Variants in ZNF385D observed in about 807,000 individuals in gnomAD.
ZNF385D encodes the protein zinc finger protein 659.
ZNF385D carries 15 observed loss-of-function variants against 35.8 expected under a neutral mutation model. That is an observed-to-expected ratio of 0.42 (90% CI 0.28 to 0.64). The LOEUF (loss-of-function observed/expected upper bound fraction) is 0.64. Among genes scored for constraint, ZNF385D ranks in the 30% least tolerant of loss-of-function variants. The probability of loss-of-function intolerance (pLI) is 0.23; values close to 1 mark genes in which losing one functional copy is unlikely to be tolerated. For synonymous variants in ZNF385D, 212 were observed against 186.8 expected, an observed-to-expected ratio of 1.13 and a Z score of -1.10; for missense variants, 474 against 494.6, an observed-to-expected ratio of 0.96 and a Z score of 0.39.
intron 3 of ZNF385D, among the ~76,000 whole-genome samples, chr3:22,102,912 C>A (rs1381690197): frequency 2.9e-4 from 38 of 130,486 alleles, no homozygotes; most frequent in African/African-American, 1.1e-3. Flanking sequence ...AAAAAACCAA[C>A]AAGTTCTCAC....
At chr3:22,101,663 T>A (rs546438615) in intron 3 of ZNF385D, among the ~76,000 whole-genome samples, 2 of 151,766 alleles carry the variant, frequency 1.3e-5, no homozygotes, top group South Asian at 2.1e-4. Flanking sequence ...AATAGGGGCA[T>A]GTACGTTTTG....
rs147849870 is a variant in ZNF385D, at chr3:21,811,455, T to G, written c.326-146427A>C. ...TTTTCTACTTCCCAAGAGGGGACAA[T>G]GTTAACAACAAAAAGAATGATGAAT... On this transcript the variant is annotated intron_variant, in intron 3 of 5. Transcript: ENST00000494108. Among the ~76,000 whole-genome samples the G allele has an allele frequency of 2.5e-3, 378 of 152,200 alleles. 4 individuals are homozygous for G. The highest frequency in any genetic ancestry group is 8.6e-3 in the African/African-American group (358 of 41,546).
chr3:21,452,124 A>C, intron 4 of ZNF385D, among the ~76,000 whole-genome samples: 1 of 152,092 alleles, frequency 6.6e-6, no homozygotes, highest in Admixed American at 6.6e-5. Flanking sequence ...CAATATCATT[A>C]GGCAATTTAA....
intron 2 of ZNF385D, among the ~76,000 whole-genome samples, chr3:21,583,678 A>G (rs1036195383): frequency 1.3e-5 from 2 of 151,788 alleles, no homozygotes; most frequent in Non-Finnish European, 2.9e-5. Context: ...ACTTTTCTAC[A>G]TAGTCTTTAA....
intron 2 of ZNF385D, among the ~76,000 whole-genome samples, chr3:22,212,823 CTTAT>C (rs1307524749): frequency 1.3e-5 from 2 of 151,858 alleles, no homozygotes; most frequent in Non-Finnish European, 2.9e-5. Flanking sequence ...CGCTTGTTAT[CTTAT>C]TTATGGCCTT....
At chr3:22,251,955 C>T (rs1297253254) in intron 2 of ZNF385D, among the ~76,000 whole-genome samples, 1 of 152,016 alleles carries the variant, frequency 6.6e-6, no homozygotes, top group Non-Finnish European at 1.5e-5. Context: ...ATGGATAATG[C>T]TTGCAAAGTG....
At chr3:22,119,436 G>T (rs1046883629) in intron 3 of ZNF385D, among the ~76,000 whole-genome samples, 1 of 151,966 alleles carries the variant, frequency 6.6e-6, no homozygotes, top group African/African-American at 2.4e-5. Flanking sequence ...AATTTGTTGG[G>T]GGGAATATGC....
At chr3:21,821,407 C>G (rs577298111) in intron 3 of ZNF385D, among the ~76,000 whole-genome samples, 1 of 151,996 alleles carries the variant, frequency 6.6e-6, no homozygotes, top group Non-Finnish European at 1.5e-5. Context: ...ATACTCCCAC[C>G]TAATAAAAGT....
chr3:21,572,449 T>C lies in ZNF385D; in HGVS notation c.166-7765A>G, dbSNP rs1031348242. 2.0e-5 allele frequency among the ~76,000 whole-genome samples: 3 copies of C among 152,180 alleles called. No homozygotes were observed. In the East Asian group the frequency reaches 5.8e-4, roughly 29 times the overall value. Reference sequence around the variant, plus strand: ...ATGATTGTATTGATGGGGCTCAGAATAGAATACCTCCAAGTATGTACCTTG... The same window carrying C: ...ATGATTGTATTGATGGGGCTCAGAACAGAATACCTCCAAGTATGTACCTTG... On this transcript the variant is annotated intron_variant, in intron 2 of 7. Coordinates refer to ENST00000281523, the MANE Select transcript of ZNF385D (RefSeq NM_024697.3).
intron 2 of ZNF385D, among the ~76,000 whole-genome samples, chr3:22,188,574 C>G (rs565553255): frequency 1.3e-5 from 2 of 151,924 alleles, no homozygotes; most frequent in Non-Finnish European, 2.9e-5. Context: ...CTCAGCCTCC[C>G]GAGTAGCTGG....
At chr3:21,566,323 T>G (rs1436076654) in intron 2 of ZNF385D, among the ~76,000 whole-genome samples, 1 of 152,148 alleles carries the variant, frequency 6.6e-6, no homozygotes, top group Non-Finnish European at 1.5e-5. Context: ...CTGGTCACTT[T>G]TAGGTATTAA....
chr3:21,452,033 A>G (rs1702493630), intron 4 of ZNF385D, among the ~76,000 whole-genome samples: 1 of 152,076 alleles, frequency 6.6e-6, no homozygotes, highest in African/African-American at 2.4e-5. Flanking sequence ...TATGTGTATG[A>G]CTAGAAAACT....
At chr3:21,929,469 A>G (rs149733714) in intron 3 of ZNF385D, among the ~76,000 whole-genome samples, 51 of 152,174 alleles carry the variant, frequency 3.4e-4, no homozygotes, top group African/African-American at 1.2e-3. Context: ...AGCTGGTGCA[A>G]TTAGGCCCAA....
intron 3 of ZNF385D, among the ~76,000 whole-genome samples, chr3:21,971,779 C>T (rs1053981740): frequency 1.2e-4 from 18 of 151,534 alleles, no homozygotes; most frequent in East Asian, 1.2e-3. Context: ...AAAGATATTT[C>T]GTGCCACTGA....
intron 3 of ZNF385D, among the ~76,000 whole-genome samples, chr3:21,841,310 T>C (rs1057279691): frequency 2.0e-5 from 3 of 152,064 alleles, no homozygotes; most frequent in Non-Finnish European, 4.4e-5. Context: ...TCAGATTACT[T>C]CCAAGGTTTT....
At chr3:21,850,402 G>C (rs1044848892) in intron 3 of ZNF385D, among the ~76,000 whole-genome samples, 1 of 152,096 alleles carries the variant, frequency 6.6e-6, no homozygotes, top group African/African-American at 2.4e-5. Flanking sequence ...AGTGAAGGAA[G>C]GCCAAGTGAA....
At chr3:21,990,425 C>T (rs184833186) in intron 3 of ZNF385D, among the ~76,000 whole-genome samples, 1 of 152,308 alleles carries the variant, frequency 6.6e-6, no homozygotes, top group East Asian at 1.9e-4. Context: ...AGCAAGAGCT[C>T]ATAATATTGC....
intron 3 of ZNF385D, among the ~76,000 whole-genome samples, chr3:21,919,412 C>T (rs1013040845): frequency 2.0e-5 from 3 of 152,144 alleles, no homozygotes; most frequent in Admixed American, 6.5e-5. Flanking sequence ...TGAGCTATAA[C>T]GATGTAGGCA....
intron 2 of ZNF385D, among the ~76,000 whole-genome samples, chr3:22,217,367 A>G (rs891011876): frequency 1.3e-5 from 2 of 152,148 alleles, no homozygotes; most frequent in Non-Finnish European, 2.9e-5. Context: ...CTGTGAACAC[A>G]AACTTCTTCC....
Sources: allele counts gnomAD v4.1 joint callset (sites outside exome capture counted in the v4.1 genomes callset), GRCh38; gene constraint gnomAD v4.1.1; transcripts MANE v1.5; gene names NCBI Gene and HGNC (gene_info 2026-07-23, HGNC 2026-07-21).